VAV3: variants seen among roughly 807,000 people sequenced by gnomAD.
VAV3 encodes the protein guanine nucleotide exchange factor VAV3.
VAV3 carries 94 observed loss-of-function variants against 131.2 expected under a neutral mutation model. That is an observed-to-expected ratio of 0.72 (90% CI 0.61 to 0.85). VAV3 has a LOEUF of 0.85. Among genes scored for constraint, VAV3 ranks in the 40% least tolerant of loss-of-function variants. The pLI, the probability that VAV3 is intolerant of heterozygous loss-of-function variation, is 0.00. For missense variants in VAV3, 939 were observed against 1,002.7 expected, an observed-to-expected ratio of 0.94 and a Z score of 0.86; for synonymous variants, 349 against 342.0, an observed-to-expected ratio of 1.02 and a Z score of -0.22.
chr1:107,658,130 A>G (rs1570699434), intron 19 of VAV3, among the ~76,000 whole-genome samples: 1 of 152,216 alleles, frequency 6.6e-6, no homozygotes. Context: ...AAGTACGTTC[A>G]ACGTGAAACA....
intron 15 of VAV3, among the ~76,000 whole-genome samples, chr1:107,706,494 G>A (rs1570791776): frequency 2.0e-5 from 3 of 152,022 alleles, no homozygotes; most frequent in African/African-American, 7.2e-5. Context: ...TCACTTTTTC[G>A]GAAAATGTTC....
intron 19 of VAV3, among the ~76,000 whole-genome samples, chr1:107,667,300 T>C (rs1657478225): frequency 6.6e-6 from 1 of 152,090 alleles, no homozygotes; most frequent in Admixed American, 6.6e-5. Flanking sequence ...ACACCCCCAG[T>C]AACAAAGGAT....
intron 15 of VAV3, among the ~76,000 whole-genome samples, chr1:107,726,638 T>A (rs1412412613): frequency 6.6e-6 from 1 of 152,242 alleles, no homozygotes; most frequent in African/African-American, 2.4e-5. Context: ...GTTAATTTCT[T>A]TGGCTTTGCA....
chr1:107,939,182 G>A (rs762731076), intron 1 of VAV3, among the ~76,000 whole-genome samples: 13 of 151,966 alleles, frequency 8.6e-5, no homozygotes, highest in Non-Finnish European at 1.9e-4. Flanking sequence ...AGATAACAGC[G>A]CCAATTTTAA....
intron 25 of VAV3, among the ~76,000 whole-genome samples, chr1:107,592,533 A>G (rs1651049612): frequency 6.6e-6 from 1 of 152,136 alleles, no homozygotes; most frequent in Admixed American, 6.6e-5. Context: ...ATTCTCTACA[A>G]ATAAAAACTT....
intron 15 of VAV3, among the ~76,000 whole-genome samples, chr1:107,707,777 A>G (rs1409020262): frequency 2.6e-5 from 4 of 152,214 alleles, no homozygotes; most frequent in African/African-American, 4.8e-5. Flanking sequence ...GAGATCATAC[A>G]TGGTCCGTGG....
In VAV3 at chr1:107,874,966, A is replaced by G; in HGVS notation, c.256T>C (p.Phe86Leu). 1 of 1,613,426 alleles carries G rather than the reference A, an allele frequency of 6.2e-7. No individual in the cohort carries two copies. Among genetic ancestry groups the G allele is most frequent in the Non-Finnish European group, 8.5e-7 (1 of 1,179,554 alleles). The change falls in exon 2 of 27, where the codon TTT becomes CTT. Residue 86 changes from phenylalanine (F) to leucine (L), a missense_variant. Transcript: ENST00000370056. ...RTFLTACCET[F>L]GMRKSELFEA... ...AAAAGTTCACTTTTCCTCATTCCAAACGTCTCACAACAGGCCGTGAGAAAT... is the reference window on the plus strand; with the variant it reads ...AAAAGTTCACTTTTCCTCATTCCAAGCGTCTCACAACAGGCCGTGAGAAAT...
intron 2 of VAV3, among the ~76,000 whole-genome samples, chr1:107,860,950 T>G (rs560897288): frequency 4.0e-5 from 6 of 151,686 alleles, no homozygotes; most frequent in Non-Finnish European, 8.8e-5. Flanking sequence ...CTACAGAAGG[T>G]GTAGAAATTA....
chr1:107,830,152 G>A (rs1224470203), intron 2 of VAV3, among the ~76,000 whole-genome samples: 1 of 151,994 alleles, frequency 6.6e-6, no homozygotes, highest in African/African-American at 2.4e-5. Context: ...GAAACTATGA[G>A]TTTCTCATGC....
At chr1:107,793,061 T>A (rs1666371100) in intron 2 of VAV3, among the ~76,000 whole-genome samples, 1 of 152,208 alleles carries the variant, frequency 6.6e-6, no homozygotes, top group East Asian at 1.9e-4. Context: ...TACATATGCA[T>A]GCACACATGT....
intron 2 of VAV3, among the ~76,000 whole-genome samples, chr1:107,822,219 T>A (rs1324275287): frequency 6.6e-6 from 1 of 152,062 alleles, no homozygotes; most frequent in Non-Finnish European, 1.5e-5. Flanking sequence ...GGAAGAGAGA[T>A]CAATCTTGGA....
At chr1:107,729,574 G>A (rs1240698749) in intron 15 of VAV3, among the ~76,000 whole-genome samples, 2 of 152,146 alleles carry the variant, frequency 1.3e-5, no homozygotes, top group African/African-American at 2.4e-5. Flanking sequence ...GCATGGGTAC[G>A]GAATCCCTGT....
intron 25 of VAV3, among the ~76,000 whole-genome samples, chr1:107,578,320 T>C (rs1476291723): frequency 6.6e-6 from 1 of 152,260 alleles, no homozygotes; most frequent in Admixed American, 6.5e-5. Context: ...ATTTTTTATT[T>C]TTAAGTATAC....
chr1:107,671,537 AG>A, intron 19 of VAV3, among the ~76,000 whole-genome samples: 1 of 152,360 alleles, frequency 6.6e-6, no homozygotes, highest in Middle Eastern at 3.4e-3. Flanking sequence ...TTTCATACTT[AG>A]ATGAAGAATT....
At chr1:107,812,564 T>G (rs1667368437) in intron 2 of VAV3, among the ~76,000 whole-genome samples, 1 of 152,018 alleles carries the variant, frequency 6.6e-6, no homozygotes, top group Non-Finnish European at 1.5e-5. Context: ...CTCAATGGCA[T>G]TCAATTCCGT....
intron 10 of VAV3, among the ~76,000 whole-genome samples, chr1:107,757,855 CT>C (rs952483938): frequency 1.3e-5 from 2 of 152,128 alleles, no homozygotes; most frequent in Non-Finnish European, 2.9e-5. Context: ...CCCTAGTCCT[CT>C]TTTTTCCCCT....
At position 107,583,726 on chromosome 1, in the gene VAV3, C is replaced by T. The variant is rs201574180; in HGVS notation, c.2351-9528G>A. On this transcript the variant is annotated intron_variant, in intron 25 of 26. Coordinates refer to ENST00000370056, the MANE Select transcript of VAV3 (RefSeq NM_006113.5). ...ATGTGAAGGACCTCTTCAAGGAGAA[C>T]TACAAACCACTGCTCAATGAAATAA... is the stretch of plus-strand genomic sequence containing the variant. Among the ~76,000 whole-genome samples the T allele has an allele frequency of 3.2e-3, 485 of 151,780 alleles. 20 individuals carry two copies. The East Asian group carries it at 0.084, about 26-fold the overall frequency.
intron 2 of VAV3, among the ~76,000 whole-genome samples, chr1:107,867,090 T>C (rs1406928546): frequency 6.6e-6 from 1 of 152,212 alleles, no homozygotes; most frequent in African/African-American, 2.4e-5. Context: ...GTTCCTTTAC[T>C]ATGCTATATC....
chr1:107,694,164 T>C (rs1391344556), intron 17 of VAV3, among the ~76,000 whole-genome samples: 1 of 152,204 alleles, frequency 6.6e-6, no homozygotes, highest in Non-Finnish European at 1.5e-5. Flanking sequence ...GGCAAATGCA[T>C]AAAGCCTACA....
Sources: allele counts gnomAD v4.1 joint callset (sites outside exome capture counted in the v4.1 genomes callset), GRCh38; gene constraint gnomAD v4.1.1; transcripts MANE v1.5; gene names NCBI Gene and HGNC (gene_info 2026-07-23, HGNC 2026-07-21).